The following OR52N4 variants were observed in gnomAD, a reference collection of about 807,000 sequenced individuals.
OR52N4 encodes the protein olfactory receptor family 52 subfamily N member 4.
Under a neutral mutation model 15.0 loss-of-function variants are expected in OR52N4, and 15 were observed. That is an observed-to-expected ratio of 1.00 (90% CI 0.67 to 1.54). The LOEUF is 1.54. Ranked by LOEUF, OR52N4 falls within the 40% of genes most tolerant of loss-of-function variation. The probability of loss-of-function intolerance (pLI) is 0.00; values close to 1 mark genes in which losing one functional copy is unlikely to be tolerated. For missense variants in OR52N4, 421 were observed against 394.0 expected (o/e 1.07, Z -0.58); for synonymous variants, 143 against 143.7 (o/e 1.00, Z 0.03).
the OR52N4 span, among the ~76,000 whole-genome samples, chr11:5,738,754 T>G: frequency 3.6e-5 from 2 of 56,166 alleles, no homozygotes; most frequent in African/African-American, 5.9e-5. Context: ...CTTTGAGAGT[T>G]TTCTTTTCTT....
rs4910844 is a variant in OR52N4, at chr11:5,755,254, A to T, written c.514A>T (p.Arg172Ter). ...TFLTKLLPYC[R>*]GNILPHTYCD... is the part of the protein sequence containing the mutation. ...CCTCACCAAGCTCCTGCCCTACTGC[A>T]GAGGCAATATACTTCCCCATACCTA... The change falls in exon 2 of 2, where the codon AGA becomes TGA. Residue 172 changes from arginine (R) to a stop codon, truncating the protein, a stop_gained. Transcript: ENST00000641350. LOFTEE classifies it high-confidence loss of function. The T allele has an allele frequency of 0.23, 369,557 of 1,613,832 alleles. 42,556 individuals are homozygous for T. Among genetic ancestry groups the T allele is most frequent in the Middle Eastern group, 0.3 (1,807 of 6,058 alleles).
the OR52N4 span, chr11:5,736,231 A>C: frequency 8.3e-6 from 3 of 363,484 alleles, no homozygotes; most frequent in Non-Finnish European, 1.5e-5. Context: ...AGGCTATGTA[A>C]GACGTTAATG....
At chr11:5,747,172 G>A in the OR52N4 span, among the ~76,000 whole-genome samples, 1 of 151,362 alleles carries the variant, frequency 6.6e-6, no homozygotes, top group East Asian at 1.9e-4. Flanking sequence ...TGGTGAGAGA[G>A]AGGATTTGAA....
At chr11:5,736,196 A>C in the OR52N4 span, 1 of 272,420 alleles carries the variant, frequency 3.7e-6, no homozygotes, top group African/African-American at 2.2e-5. Flanking sequence ...AAACCTTTAC[A>C]AGTCCATGAT....
chr11:5,735,044 T>C, the OR52N4 span, among the ~76,000 whole-genome samples: 965 of 152,212 alleles, frequency 6.3e-3, 14 homozygotes, highest in African/African-American at 0.022. Context: ...AAAAGAATTT[T>C]ATTTTCTTCC....
chr11:5,746,495 A>G, the OR52N4 span, among the ~76,000 whole-genome samples: 49 of 152,338 alleles, frequency 3.2e-4, no homozygotes, highest in Middle Eastern at 6.8e-3. Context: ...GGACACAAAC[A>G]TATGTATATG....
the OR52N4 span, among the ~76,000 whole-genome samples, chr11:5,748,137 A>G: frequency 3.3e-5 from 5 of 151,922 alleles, no homozygotes; most frequent in Admixed American, 1.3e-4. Flanking sequence ...GAAATGGACT[A>G]GTTTTATAAT....
the OR52N4 span, among the ~76,000 whole-genome samples, chr11:5,730,189 A>AT: frequency 8.7e-3 from 963 of 110,148 alleles, 18 homozygotes; most frequent in East Asian, 0.021. Flanking sequence ...AGCAGTAACC[A>AT]TTTTTTTTTT....
Position 5,754,749 on chromosome 11 carries a change from A to C in OR52N4, c.9A>C (p.Thr3=). ...AACCTACCAGACTTATCATGCTAAC[A>C]CTGAATAAAACAGACCTAATACCAG... ML[T]LNKTDLIPAS... The change falls in exon 2 of 2, where the codon ACA becomes ACC. Residue 3 remains threonine (T), a synonymous_variant. Coordinates refer to ENST00000641350, the MANE Select transcript of OR52N4 (RefSeq NM_001005175.5). The C allele has an allele frequency of 6.2e-7, 1 of 1,612,448 alleles. No homozygotes were observed.
the OR52N4 span, among the ~76,000 whole-genome samples, chr11:5,729,634 G>C: frequency 6.6e-6 from 1 of 152,126 alleles, no homozygotes; most frequent in Non-Finnish European, 1.5e-5. Flanking sequence ...AGCACTGCTT[G>C]TTCATAACTT....
chr11:5,751,554 A>T (rs1854191315), upstream of OR52N4, among the ~76,000 whole-genome samples: 2 of 152,104 alleles, frequency 1.3e-5, no homozygotes, highest in South Asian at 4.1e-4. Context: ...TAAAAACCGC[A>T]ATTATGTTTG....
the OR52N4 span, among the ~76,000 whole-genome samples, chr11:5,749,140 AT>A: frequency 0.79 from 119,985 of 151,676 alleles, 48,074 homozygotes; most frequent in Non-Finnish European, 0.86. Flanking sequence ...AGGATTGTGA[AT>A]TTTTTTTGAC....
At chr11:5,738,463 A>C in the OR52N4 span, 7 of 53,878 alleles carry the variant, frequency 1.3e-4, no homozygotes, top group East Asian at 2.9e-3. Flanking sequence ...TTTAATATCC[A>C]CTTGTTTTCT....
At chr11:5,737,021 C>A in the OR52N4 span, 2 of 1,614,096 alleles carry the variant, frequency 1.2e-6, no homozygotes, top group Non-Finnish European at 1.7e-6. Context: ...CACTCCAGTG[C>A]CTGTGCTTGC....
the OR52N4 span, among the ~76,000 whole-genome samples, chr11:5,747,611 A>T: frequency 6.6e-6 from 1 of 152,022 alleles, no homozygotes; most frequent in Non-Finnish European, 1.5e-5. Context: ...GAACACAAAA[A>T]ATCGGTAAAC....
the OR52N4 span, among the ~76,000 whole-genome samples, chr11:5,745,208 A>T: frequency 6.6e-6 from 1 of 152,162 alleles, no homozygotes; most frequent in South Asian, 2.1e-4. Context: ...GCAATCAAGG[A>T]AAAGAAATAA....
chr11:5,737,293 C>A, the OR52N4 span: 6 of 1,614,138 alleles, frequency 3.7e-6, no homozygotes, highest in Admixed American at 3.3e-5. Context: ...TCATCCTTTT[C>A]TTTTACACTA....
the OR52N4 span, among the ~76,000 whole-genome samples, chr11:5,729,202 C>T: frequency 6.8e-6 from 1 of 146,656 alleles, no homozygotes; most frequent in South Asian, 2.2e-4. Flanking sequence ...TCACTACCAG[C>T]TCCGCCTCCC....
chr11:5,754,590 G>A (rs1014303648), intron 1 of OR52N4, 103 bp from the exon 2 acceptor site: 19 of 708,984 alleles, frequency 2.7e-5, no homozygotes, highest in Non-Finnish European at 3.7e-5. Flanking sequence ...CAGAAATTTG[G>A]TTGTTGGACC....
Sources: gnomAD v4.1 joint callset for allele counts (sites outside exome capture counted in the v4.1 genomes callset) on GRCh38, gnomAD v4.1.1 for gene constraint, MANE v1.5 for transcripts, NCBI Gene and HGNC (gene_info 2026-07-23, HGNC 2026-07-21) for gene names.